COPS7B: variants seen among roughly 807,000 people sequenced by gnomAD.
COPS7B encodes COP9 signalosome subunit 7B, also known as COP9 signalosome complex subunit 7b.
In COPS7B, 9 loss-of-function variants were observed where a neutral mutation model predicts 33.4. The observed-to-expected ratio is 0.27, with a 90% CI of 0.16 to 0.47. The LOEUF is 0.47. Ranked by LOEUF, COPS7B falls within the 20% of genes least tolerant of loss-of-function variation. The probability of loss-of-function intolerance (pLI) is 0.99; values close to 1 mark genes in which losing one functional copy is unlikely to be tolerated. For synonymous variants in COPS7B, 119 were observed against 126.3 expected (o/e 0.94, Z 0.39); for missense variants, 242 against 318.2 (o/e 0.76, Z 1.82).
chr2:231,791,868 C>A, intron 3 of COPS7B, 60 bp downstream of exon 3: 1 of 1,466,406 alleles, frequency 6.8e-7, no homozygotes, highest in Non-Finnish European at 9.6e-7. Flanking sequence ...GTTTGGAAGA[C>A]CATCAAGGTT....
Position 231,794,366 on chromosome 2 carries a change from C to T in COPS7B, c.327+15C>T. The T allele has an allele frequency of 1.2e-6, 2 of 1,601,482 alleles. No individual in the cohort carries two copies. The highest frequency in any genetic ancestry group is 1.1e-5 in the South Asian group (1 of 90,482). ...CAAGAATGAAGGTACGGTACTGAGC[C>T]TTCTCTTGTCTTCCTCCTTACCCCA... On this transcript the variant is annotated intron_variant, in intron 4 of 6. Coordinates refer to ENST00000350033, the MANE Select transcript of COPS7B (RefSeq NM_022730.4).
In COPS7B at chr2:231,808,668, A is replaced by T. The variant is rs1233945140; in HGVS notation, c.*1023A>T. ...TTGAACAGTTTCAGGTTATATTTTAATTTTTTTTTTTTTGTACAGGTTCTG... is the reference window on the plus strand; with the variant it reads ...TTGAACAGTTTCAGGTTATATTTTATTTTTTTTTTTTTTGTACAGGTTCTG... On this transcript the variant is annotated 3_prime_UTR_variant, in exon 7 of 7. Coordinates refer to ENST00000350033, the MANE Select transcript of COPS7B (RefSeq NM_022730.4). The T allele has an allele frequency of 5.4e-5, 14 of 260,652 alleles. No homozygotes were observed. Among genetic ancestry groups the T allele is most frequent in the South Asian group, 2.5e-4 (7 of 28,234 alleles). The allele number at this position is 260,652 out of a possible 1,614,324, so 16.1% of individuals were successfully genotyped here.
At chr2:231,793,769 C>T (rs2049487320) in intron 3 of COPS7B, 1 of 152,608 alleles carries the variant, frequency 6.6e-6, no homozygotes, top group African/African-American at 2.4e-5. Flanking sequence ...GGTAGTTCTG[C>T]CTTGGATTTG....
chr2:231,794,919 A>AT lies in COPS7B; in HGVS notation c.327+586dup, dbSNP rs906484977. Among the ~76,000 whole-genome samples the AT allele has an allele frequency of 7.8e-3, 1,065 of 135,846 alleles. 4 individuals are homozygous for AT. The highest frequency in any genetic ancestry group is 0.018 in the African/African-American group (661 of 36,902). The allele number at this position is 135,846 out of a possible 152,430, so 89.1% of individuals were successfully genotyped here. On this transcript the variant is annotated intron_variant, in intron 4 of 6. Coordinates refer to ENST00000350033, the MANE Select transcript of COPS7B (RefSeq NM_022730.4). ...AGGCGTGGACCACCCCGCCCGGCTA[A>AT]TTTTTTTTTTTTTTTTTTGAGACAG...
Position 231,807,799 on chromosome 2 carries a change from A to C in COPS7B, c.*154A>C. ...ACCCTGTTGGTACTGTTCCAGAAAA[A>C]CTGTTACTCCCCCTCACCCACTCCC... is the stretch of plus-strand genomic sequence containing the variant. On this transcript the variant is annotated 3_prime_UTR_variant, in exon 7 of 7. Coordinates refer to ENST00000350033, the MANE Select transcript of COPS7B (RefSeq NM_022730.4). 1.6e-6 allele frequency: 1 copy of C among 641,002 alleles called. No homozygotes were observed. The highest frequency in any genetic ancestry group is 2.6e-6 in the Non-Finnish European group (1 of 390,324). The allele number at this position is 641,002 out of a possible 1,614,324, so 39.7% of individuals were successfully genotyped here.
chr2:231,786,933 G>C (rs1325537863), intron 1 of COPS7B, among the ~76,000 whole-genome samples: 1 of 152,166 alleles, frequency 6.6e-6, no homozygotes, highest in Non-Finnish European at 1.5e-5. Flanking sequence ...TGCGCCCACA[G>C]GCTTTGCTCC....
At chr2:231,788,033 C>T (rs1471561585) in intron 1 of COPS7B, among the ~76,000 whole-genome samples, 1 of 151,848 alleles carries the variant, frequency 6.6e-6, no homozygotes, top group East Asian at 1.9e-4. Flanking sequence ...ATGACTTTTA[C>T]AAAGTGTGTT....
intron 1 of COPS7B, among the ~76,000 whole-genome samples, chr2:231,788,055 A>G (rs2049301138): frequency 6.6e-6 from 1 of 152,096 alleles, no homozygotes; most frequent in Non-Finnish European, 1.5e-5. Context: ...CAAACACCAG[A>G]ATTTAGGACA....
Position 231,808,026 on chromosome 2 carries a change from T to G in COPS7B, c.*381T>G. On this transcript the variant is annotated 3_prime_UTR_variant, in exon 7 of 7. Transcript: ENST00000350033. ...AGCTTTAACCAGCCCCCAGGGATGA[T>G]TGTGAAGGAGGCCCCTCCCCTTGTG... is the stretch of plus-strand genomic sequence containing the variant. The G allele has an allele frequency of 5.2e-6, 1 of 194,138 alleles. No homozygotes were observed. The allele number at this position is 194,138 out of a possible 1,614,324, so 12.0% of individuals were successfully genotyped here.
chr2:231,790,214 AGTT>A (rs1454874679), intron 2 of COPS7B: 2 of 152,268 alleles, frequency 1.3e-5, no homozygotes, highest in Non-Finnish European at 2.9e-5. Flanking sequence ...TATGCCAAGT[AGTT>A]GTTTTGTAAC....
chr2:231,803,523 A>C (rs977675748), intron 6 of COPS7B, among the ~76,000 whole-genome samples: 2 of 152,198 alleles, frequency 1.3e-5, no homozygotes, highest in African/African-American at 4.8e-5. Context: ...AAGCTGAATG[A>C]GAGCAGTTTC....
intron 5 of COPS7B, among the ~76,000 whole-genome samples, chr2:231,798,023 G>C (rs1261902260): frequency 6.6e-6 from 1 of 151,980 alleles, no homozygotes; most frequent in Non-Finnish European, 1.5e-5. Context: ...TAGTAGCTGG[G>C]ATTACAGGCG....
At chr2:231,794,608 A>G (rs1423027825) in intron 4 of COPS7B, among the ~76,000 whole-genome samples, 2 of 152,220 alleles carry the variant, frequency 1.3e-5, no homozygotes, top group Admixed American at 1.3e-4. Context: ...TCATTTTGCC[A>G]TATTAAGGGG....
chr2:231,802,817 G>A (rs2049785753), intron 6 of COPS7B, among the ~76,000 whole-genome samples: 1 of 152,228 alleles, frequency 6.6e-6, no homozygotes, highest in Non-Finnish European at 1.5e-5. Flanking sequence ...AGGAGAGTCT[G>A]TCAGTGCTTC....
intron 1 of COPS7B, among the ~76,000 whole-genome samples, chr2:231,788,030 T>C (rs1198161055): frequency 1.3e-5 from 2 of 152,182 alleles, no homozygotes; most frequent in African/African-American, 2.4e-5. Context: ...GAAATGACTT[T>C]TACAAAGTGT....
rs373426615 is a variant in COPS7B, at chr2:231,792,651, A to G, written c.238+843A>G. ...TCTTCCCACTTACAAACATTTATCCATATTTTAAGTCTTTTTAATATTTTT... is the reference window on the plus strand; with the variant it reads ...TCTTCCCACTTACAAACATTTATCCGTATTTTAAGTCTTTTTAATATTTTT... On this transcript the variant is annotated intron_variant, in intron 3 of 6. Transcript: ENST00000350033. 6.6e-5 allele frequency among the ~76,000 whole-genome samples: 10 copies of G among 152,258 alleles called. No homozygotes were observed. The East Asian group carries it at 1.2e-3, about 18-fold the overall frequency.
At chr2:231,792,458 C>T (rs376768386) in intron 3 of COPS7B, among the ~76,000 whole-genome samples, 1 of 152,168 alleles carries the variant, frequency 6.6e-6, no homozygotes, top group Non-Finnish European at 1.5e-5. Context: ...CACCGCTGTA[C>T]TCCAGCCTGG....
rs1315871688 is a variant in COPS7B, at chr2:231,808,505, G to C, written c.*860G>C. 1 of 471,238 alleles carries C rather than the reference G, an allele frequency of 2.1e-6. No homozygotes were observed. Among genetic ancestry groups the C allele is most frequent in the East Asian group, 6.9e-5 (1 of 14,394 alleles). The allele number at this position is 471,238 out of a possible 1,614,324, so 29.2% of individuals were successfully genotyped here. On this transcript the variant is annotated 3_prime_UTR_variant, in exon 7 of 7. Transcript: ENST00000350033. ...TCCTGGCTGCACCTGGGTAGGGATGGTGGCATCGATGCCCCTCTGTCTGCT... is the reference window on the plus strand; with the variant it reads ...TCCTGGCTGCACCTGGGTAGGGATGCTGGCATCGATGCCCCTCTGTCTGCT...
upstream of COPS7B, chr2:231,781,783 T>C: frequency 1.3e-6 from 2 of 1,536,980 alleles, no homozygotes; most frequent in East Asian, 4.9e-5. Context: ...ATCCCGAGAC[T>C]TGAAACCCAA....
Sources: allele counts gnomAD v4.1 joint callset (sites outside exome capture counted in the v4.1 genomes callset), GRCh38; gene constraint gnomAD v4.1.1; transcripts MANE v1.5; gene names NCBI Gene and HGNC (gene_info 2026-07-23, HGNC 2026-07-21).